CDIN1: variants seen among roughly 807,000 people sequenced by gnomAD.
CDIN1 encodes the protein CDAN1 interacting nuclease 1.
CDIN1 carries 33 observed loss-of-function variants against 45.3 expected under a neutral mutation model. The ratio of observed to expected loss-of-function variants is 0.73; its 90% confidence interval spans 0.55 to 0.97. The LOEUF is 0.97. Among genes scored for constraint, CDIN1 ranks in the 50% least tolerant of loss-of-function variants. The pLI is 0.00. For synonymous variants in CDIN1, 118 were observed against 124.4 expected, an observed-to-expected ratio of 0.95 and a Z score of 0.34; for missense variants, 303 against 339.4, an observed-to-expected ratio of 0.89 and a Z score of 0.84.
chr15:36,649,320 C>T (rs1400537613), intron 3 of CDIN1, among the ~76,000 whole-genome samples: 1 of 152,138 alleles, frequency 6.6e-6, no homozygotes, highest in Non-Finnish European at 1.5e-5. Context: ...CCAACTCTGG[C>T]AAAGATCTGA....
intron 8 of CDIN1, chr15:36,705,047 A>T (rs1783933468): frequency 6.6e-6 from 1 of 152,154 alleles, no homozygotes; most frequent in Admixed American, 6.5e-5. Context: ...TATTTTGGGC[A>T]TTTGGAGAAG....
rs147012959 is a variant in CDIN1, at chr15:36,626,573, C to T, written c.102-17705C>T. The T allele has an allele frequency of 2.0e-3, 477 of 242,286 alleles. 1 individual carries two copies. The highest frequency in any genetic ancestry group is 2.8e-3 in the Non-Finnish European group (353 of 123,956). The allele number at this position is 242,286 out of a possible 1,614,324, so 15.0% of individuals were successfully genotyped here. A position where few individuals can be genotyped will look rare whatever the true frequency, so the allele number is the denominator to read the frequency against. The stretch of plus-strand genomic sequence containing the variant: ...TTCCTCATTAGCCATCCTGTTTTGG[C>T]GACTAATAGCAAGCAATATGCTTGG... On this transcript the variant is annotated intron_variant, in intron 1 of 10. Coordinates refer to ENST00000566621, the MANE Select transcript of CDIN1 (RefSeq NM_001321759.2).
At chr15:36,582,908 T>C (rs181242914) in intron 1 of CDIN1, among the ~76,000 whole-genome samples, 6 of 152,372 alleles carry the variant, frequency 3.9e-5, no homozygotes, top group Non-Finnish European at 8.8e-5. Context: ...TTATAGGTTG[T>C]ACCTTTTTCC....
chr15:36,780,906 T>G (rs2054334753), intron 10 of CDIN1, among the ~76,000 whole-genome samples: 1 of 152,176 alleles, frequency 6.6e-6, no homozygotes, highest in Non-Finnish European at 1.5e-5. Context: ...TTCTAAAATT[T>G]TGAATTCAAT....
intron 10 of CDIN1, among the ~76,000 whole-genome samples, chr15:36,790,864 T>C (rs940999116): frequency 9.9e-5 from 15 of 152,208 alleles, no homozygotes; most frequent in African/African-American, 3.6e-4. Flanking sequence ...ACAACAACTT[T>C]AGGTTCGGGG....
chr15:36,656,179 G>A (rs1322667544), intron 4 of CDIN1, among the ~76,000 whole-genome samples: 1 of 152,096 alleles, frequency 6.6e-6, no homozygotes, highest in East Asian at 1.9e-4. Context: ...TTTCCAGATA[G>A]GTAATACTTA....
At chr15:36,671,458 C>T (rs983692435) in intron 5 of CDIN1, among the ~76,000 whole-genome samples, 6 of 151,984 alleles carry the variant, frequency 3.9e-5, no homozygotes, top group South Asian at 2.1e-4. Context: ...TTTTTAAAAT[C>T]ATTCTGACAT....
chr15:36,601,141 G>A (rs1471923752), intron 1 of CDIN1, among the ~76,000 whole-genome samples: 1 of 152,132 alleles, frequency 6.6e-6, no homozygotes, highest in Admixed American at 6.5e-5. Flanking sequence ...ATTCTGCAGT[G>A]TGAGGAGTTG....
chr15:36,618,734 A>G (rs2039013066), intron 1 of CDIN1: 1 of 770,562 alleles, frequency 1.3e-6, no homozygotes, highest in Admixed American at 1.7e-5. Context: ...TGTGCAGCTG[A>G]GCCTACTGCA....
At chr15:36,629,912 A>G (rs1036789170) in intron 1 of CDIN1, among the ~76,000 whole-genome samples, 1 of 152,226 alleles carries the variant, frequency 6.6e-6, no homozygotes, top group African/African-American at 2.4e-5. Context: ...ATGTGCATAC[A>G]TATATATGTA....
intron 10 of CDIN1, among the ~76,000 whole-genome samples, chr15:36,802,661 A>T (rs1017046546): frequency 1.3e-5 from 2 of 152,022 alleles, no homozygotes; most frequent in Non-Finnish European, 2.9e-5. Context: ...AAAGGGGAGT[A>T]TTTAGTTTTA....
At chr15:36,652,101 G>A (rs2040597954) in intron 3 of CDIN1, among the ~76,000 whole-genome samples, 1 of 152,102 alleles carries the variant, frequency 6.6e-6, no homozygotes, top group South Asian at 2.1e-4. Flanking sequence ...ATCTCTACTC[G>A]AGTGTCACTC....
At chr15:36,731,693 C>G (rs1412457675) in intron 10 of CDIN1, among the ~76,000 whole-genome samples, 1 of 152,020 alleles carries the variant, frequency 6.6e-6, no homozygotes, top group Non-Finnish European at 1.5e-5. Flanking sequence ...ATTGGTTTAC[C>G]ATCCTAATAA....
rs921746661 is a variant in CDIN1, at chr15:36,808,738, T to C, written c.*285T>C. ...ATAGATAGTCATAATCTTTCTTTCT[T>C]CCGGATGGTTTATCCTTGTATGCTG... is the stretch of plus-strand genomic sequence containing the variant. On this transcript the variant is annotated 3_prime_UTR_variant, in exon 11 of 11. Transcript: ENST00000566621. 2.2e-6 allele frequency: 1 copy of C among 461,790 alleles called. No individual in the cohort carries two copies. Among genetic ancestry groups the C allele is most frequent in the South Asian group, 2.0e-5 (1 of 50,822 alleles). The allele number at this position is 461,790 out of a possible 1,614,324, so 28.6% of individuals were successfully genotyped here.
chr15:36,603,013 G>A (rs750268638), intron 1 of CDIN1, among the ~76,000 whole-genome samples: 2 of 151,626 alleles, frequency 1.3e-5, no homozygotes, highest in South Asian at 2.1e-4. Flanking sequence ...TTGTGTTTTT[G>A]AGCCATGGCA....
At chr15:36,768,311 A>AG (rs1197755267) in intron 10 of CDIN1, among the ~76,000 whole-genome samples, 1 of 152,224 alleles carries the variant, frequency 6.6e-6, no homozygotes, top group Non-Finnish European at 1.5e-5. Flanking sequence ...CTACTGCCTC[A>AG]ATCAGACCTC....
In CDIN1 at chr15:36,697,403, C is replaced by A; in HGVS notation, c.544+13C>A. The A allele has an allele frequency of 6.3e-7, 1 of 1,596,048 alleles. No homozygotes were observed. The highest frequency in any genetic ancestry group is 8.6e-7 in the Non-Finnish European group (1 of 1,169,208). ...CTGTCCTTCCTAGGTAAGTATTATT[C>A]ACATCTTCTCTAGCTTGTGTTGTCT... On this transcript the variant is annotated intron_variant, in intron 8 of 10. Coordinates refer to ENST00000566621, the MANE Select transcript of CDIN1 (RefSeq NM_001321759.2).
intron 10 of CDIN1, among the ~76,000 whole-genome samples, chr15:36,722,564 G>C (rs936094319): frequency 6.6e-6 from 1 of 152,106 alleles, no homozygotes; most frequent in Non-Finnish European, 1.5e-5. Context: ...GCCATATTTT[G>C]GTGAGACAGA....
intron 1 of CDIN1, among the ~76,000 whole-genome samples, chr15:36,625,256 G>A (rs1417221318): frequency 1.3e-5 from 2 of 151,652 alleles, no homozygotes; most frequent in African/African-American, 4.9e-5. Context: ...ACTCCAGCCT[G>A]GACGACAGAG....
Sources: gnomAD v4.1 joint callset for allele counts (sites outside exome capture counted in the v4.1 genomes callset) on GRCh38, gnomAD v4.1.1 for gene constraint, MANE v1.5 for transcripts, NCBI Gene and HGNC (gene_info 2026-07-23, HGNC 2026-07-21) for gene names.